Variants in PARVA observed in about 807,000 individuals in gnomAD.
The protein encoded by PARVA is parvin alpha.
Under a neutral mutation model 52.6 loss-of-function variants are expected in PARVA, and 25 were observed. The observed-to-expected ratio is 0.48, with a 90% CI of 0.35 to 0.66. The LOEUF is 0.66. PARVA is among the 30% of genes least tolerant of loss of function. PARVA has a pLI of 0.01. For synonymous variants in PARVA, 185 were observed against 179.1 expected, an observed-to-expected ratio of 1.03 and a Z score of -0.26; for missense variants, 373 against 450.9, an observed-to-expected ratio of 0.83 and a Z score of 1.56.
intron 12 of PARVA, among the ~76,000 whole-genome samples, chr11:12,522,970 A>G (rs1941657026): frequency 6.6e-6 from 1 of 152,094 alleles, no homozygotes; most frequent in Non-Finnish European, 1.5e-5. Context: ...GAGAGAGGGA[A>G]TGTAGAAGGG....
intron 1 of PARVA, among the ~76,000 whole-genome samples, chr11:12,404,460 G>C (rs1328894082): frequency 6.6e-6 from 1 of 152,182 alleles, no homozygotes; most frequent in Admixed American, 6.5e-5. Flanking sequence ...GGAGGGAAGA[G>C]GGAAAGCCCT....
At chr11:12,492,834 T>C (rs957955003) in intron 4 of PARVA, among the ~76,000 whole-genome samples, 1 of 149,988 alleles carries the variant, frequency 6.7e-6, no homozygotes, top group African/African-American at 2.5e-5. Context: ...TAGTAATACA[T>C]ACACACACAC....
rs1271363810 is a variant in PARVA at position 12,417,830 on chromosome 11, G to T, written c.136+40047G>T. On this transcript the variant is annotated intron_variant, in intron 1 of 12. Coordinates refer to ENST00000334956, the MANE Select transcript of PARVA (RefSeq NM_018222.5). ...AAGCCTTCCTTCTTGCTTATGGCCTGACCTGAGTTTTCTTCTGGAGCCAAC... is the reference window on the plus strand; with the variant it reads ...AAGCCTTCCTTCTTGCTTATGGCCTTACCTGAGTTTTCTTCTGGAGCCAAC... Among the ~76,000 whole-genome samples, 4 of 152,182 alleles carry T rather than the reference G, an allele frequency of 2.6e-5. No homozygotes were observed. In the East Asian group the frequency reaches 7.7e-4, roughly 29 times the overall value.
chr11:12,421,126 G>T (rs1190742221), intron 1 of PARVA, among the ~76,000 whole-genome samples: 6 of 151,014 alleles, frequency 4.0e-5, no homozygotes, highest in Admixed American at 3.3e-4. Context: ...GGATTGCTAG[G>T]CATGAGATGG....
chr11:12,523,954 C>T (rs1038336744), intron 12 of PARVA, among the ~76,000 whole-genome samples: 1 of 152,170 alleles, frequency 6.6e-6, no homozygotes, highest in African/African-American at 2.4e-5. Flanking sequence ...TACTAGTCTG[C>T]CTGGGACTAC....
intron 1 of PARVA, among the ~76,000 whole-genome samples, chr11:12,386,246 T>C (rs553456067): frequency 6.6e-6 from 1 of 152,312 alleles, no homozygotes; most frequent in African/African-American, 2.4e-5. Context: ...TTTTGCTGTC[T>C]CCTCTATTTC....
At chr11:12,425,534 C>T (rs552206320) in intron 1 of PARVA, among the ~76,000 whole-genome samples, 6 of 152,314 alleles carry the variant, frequency 3.9e-5, no homozygotes, top group Non-Finnish European at 8.8e-5. Context: ...TCACCTCTCA[C>T]TCATCCCAAA....
chr11:12,516,779 G>A (rs998892336), intron 10 of PARVA, among the ~76,000 whole-genome samples: 26 of 152,176 alleles, frequency 1.7e-4, no homozygotes, highest in East Asian at 1.2e-3. Context: ...TAGTCCTCAC[G>A]ATAACTCTGT....
intron 1 of PARVA, among the ~76,000 whole-genome samples, chr11:12,460,534 T>C (rs376809351): frequency 6.6e-6 from 1 of 152,104 alleles, no homozygotes; most frequent in Admixed American, 6.5e-5. Context: ...CCACAAACAG[T>C]GCTCTTCAGG....
intron 8 of PARVA, 74 bp downstream of exon 8, chr11:12,511,607 G>A: frequency 4.0e-6 from 6 of 1,497,270 alleles, no homozygotes; most frequent in Non-Finnish European, 5.6e-6. Context: ...GCAGCTGGGA[G>A]GAACAGGCTC....
intron 1 of PARVA, among the ~76,000 whole-genome samples, chr11:12,428,640 T>C (rs958149427): frequency 2.0e-5 from 3 of 152,202 alleles, no homozygotes; most frequent in Admixed American, 6.5e-5. Flanking sequence ...TGATGAGATA[T>C]TCATGCGTGT....
At chr11:12,382,200 G>T (rs538072343) in intron 1 of PARVA, among the ~76,000 whole-genome samples, 1 of 152,208 alleles carries the variant, frequency 6.6e-6, no homozygotes, top group South Asian at 2.1e-4. Flanking sequence ...TAATCTTTAC[G>T]TTTACATTTC....
intron 4 of PARVA, chr11:12,478,218 C>G: frequency 1.9e-6 from 1 of 514,446 alleles, no homozygotes; most frequent in Non-Finnish European, 3.6e-6. Flanking sequence ...AAAGACCCCA[C>G]TGTATATTAA....
chr11:12,437,798 G>C (rs1589956924), intron 1 of PARVA, among the ~76,000 whole-genome samples: 1 of 152,158 alleles, frequency 6.6e-6, no homozygotes, highest in Non-Finnish European at 1.5e-5. Context: ...GGGAGGCAGA[G>C]AGAGAGTAAA....
intron 10 of PARVA, among the ~76,000 whole-genome samples, chr11:12,514,635 G>A (rs1241041778): frequency 1.3e-5 from 2 of 152,164 alleles, no homozygotes; most frequent in African/African-American, 4.8e-5. Context: ...TTACAGGCAT[G>A]CGCCACCAAG....
intron 1 of PARVA, among the ~76,000 whole-genome samples, chr11:12,396,297 TAAATC>T (rs564346205): frequency 2.0e-5 from 3 of 152,242 alleles, no homozygotes; most frequent in Non-Finnish European, 2.9e-5. Flanking sequence ...ATTAATAAGA[TAAATC>T]AACAGTGACA....
intron 1 of PARVA, among the ~76,000 whole-genome samples, chr11:12,426,634 G>A (rs970820891): frequency 6.6e-6 from 1 of 152,174 alleles, no homozygotes; most frequent in Non-Finnish European, 1.5e-5. Flanking sequence ...CTCATTTTCA[G>A]TGGAGGAAAC....
chr11:12,477,744 T>C (rs1941034399), intron 3 of PARVA, 103 bp from the exon 4 acceptor site: 1 of 692,150 alleles, frequency 1.4e-6, no homozygotes, highest in Admixed American at 2.3e-5. Flanking sequence ...AAATCTAAAG[T>C]TAATTTGGAT....
intron 1 of PARVA, 24 bp downstream of exon 1, chr11:12,377,807 G>A: frequency 6.8e-7 from 1 of 1,471,142 alleles, no homozygotes; most frequent in Non-Finnish European, 9.0e-7. Context: ...GGCCGGCCGG[G>A]CGGGCGGTAG....
Sources: allele counts gnomAD v4.1 joint callset (sites outside exome capture counted in the v4.1 genomes callset), GRCh38; gene constraint gnomAD v4.1.1; transcripts MANE v1.5; gene names NCBI Gene and HGNC (gene_info 2026-07-23, HGNC 2026-07-21).